Variants in HEATR5B observed in about 807,000 individuals in gnomAD.
HEATR5B encodes HEAT repeat containing 5B.
HEATR5B carries 156 observed loss-of-function variants against 224.1 expected under a neutral mutation model. That is an observed-to-expected ratio of 0.70 (90% CI 0.61 to 0.80). HEATR5B has a LOEUF of 0.80. Ranked by LOEUF, HEATR5B falls within the 30% of genes least tolerant of loss-of-function variation. The pLI is 0.00. For synonymous variants in HEATR5B, 1,027 were observed against 893.0 expected (o/e 1.15, Z -2.68); for missense variants, 2,323 against 2,535.5 (o/e 0.92, Z 1.80).
chr2:37,059,455 TA>T (rs1671132676), intron 12 of HEATR5B, among the ~76,000 whole-genome samples: 1 of 107,838 alleles, frequency 9.3e-6, no homozygotes, highest in African/African-American at 3.4e-5. Flanking sequence ...TGTATATATA[TA>T]TATATATATT....
intron 35 of HEATR5B, among the ~76,000 whole-genome samples, chr2:36,986,577 A>G (rs1572730087): frequency 6.6e-6 from 1 of 152,222 alleles, no homozygotes; most frequent in African/African-American, 2.4e-5. Flanking sequence ...AAACAGGTAC[A>G]GTTTGTAGGT....
chr2:37,002,747 T>C (rs1667175654), intron 31 of HEATR5B, among the ~76,000 whole-genome samples, 175 bp from the exon 32 acceptor site: 1 of 152,212 alleles, frequency 6.6e-6, no homozygotes, highest in Non-Finnish European at 1.5e-5. Flanking sequence ...GATCTGTCCT[T>C]AAAGGTAACA....
At chr2:37,015,817 T>G (rs1353642899) in intron 26 of HEATR5B, among the ~76,000 whole-genome samples, 2 of 152,170 alleles carry the variant, frequency 1.3e-5, no homozygotes, top group African/African-American at 2.4e-5. Flanking sequence ...TCAAGGGTAA[T>G]TACATAACCC....
rs755258874 is a variant in HEATR5B, at chr2:36,981,751, G to GT, written c.5954dup (p.Tyr1985Ter). The GT allele has an allele frequency of 6.2e-7, 1 of 1,613,776 alleles. No homozygotes were observed. The highest frequency in any genetic ancestry group is 8.5e-7 in the Non-Finnish European group (1 of 1,179,888). ...AGGCAAAAGAATTTTCATCCAGCAGGTAAGATATCAAAGTGGGAACTAAAA... is the reference window on the plus strand; with the variant it reads ...AGGCAAAAGAATTTTCATCCAGCAGGTTAAGATATCAAAGTGGGAACTAAAA... ...LALLVPTLISYLLDENSFASA... is the reference protein window; with the variant it reads ...LALLVPTLIS Residue 1985 changes from tyrosine to a stop codon, truncating the protein, a stop_gained and frameshift_variant, in exon 36 of 36, where the codon TAC becomes TAAC. Coordinates refer to ENST00000233099, the MANE Select transcript of HEATR5B (RefSeq NM_019024.3). LOFTEE classifies it high-confidence loss of function.
At chr2:37,024,080 A>C (rs921591631) in intron 24 of HEATR5B, among the ~76,000 whole-genome samples, 5 of 152,236 alleles carry the variant, frequency 3.3e-5, no homozygotes, top group African/African-American at 1.2e-4. Context: ...CATAGAAAAG[A>C]ATAAAGTCCT....
chr2:37,073,137 C>T (rs1672008802), intron 5 of HEATR5B, among the ~76,000 whole-genome samples: 1 of 152,170 alleles, frequency 6.6e-6, no homozygotes, highest in Admixed American at 6.5e-5. Flanking sequence ...CTGACAAAGA[C>T]ACTACGTGAA....
At chr2:37,003,062 C>T (rs976264155) in intron 31 of HEATR5B, among the ~76,000 whole-genome samples, 2 of 151,688 alleles carry the variant, frequency 1.3e-5, no homozygotes, top group Admixed American at 1.3e-4. Flanking sequence ...AGTTCGAGAC[C>T]AGCCTAACAT....
chr2:37,081,821 A>C (rs1672588611), intron 2 of HEATR5B, among the ~76,000 whole-genome samples: 1 of 152,118 alleles, frequency 6.6e-6, no homozygotes, highest in African/African-American at 2.4e-5. Flanking sequence ...CTTCTCCCAC[A>C]ACTCCAAGAA....
intron 35 of HEATR5B, among the ~76,000 whole-genome samples, chr2:36,986,279 A>G (rs1384132952): frequency 2.0e-5 from 3 of 152,220 alleles, no homozygotes; most frequent in Non-Finnish European, 4.4e-5. Context: ...AAATTTATCA[A>G]CTTCTCCAAA....
At chr2:36,995,241 C>T (rs1305414272) in intron 33 of HEATR5B, among the ~76,000 whole-genome samples, 1 of 151,880 alleles carries the variant, frequency 6.6e-6, no homozygotes, top group African/African-American at 2.4e-5. Context: ...AGGCACATGC[C>T]ACCACACCCC....
At chr2:37,062,496 G>C (rs1353086777) in intron 10 of HEATR5B, among the ~76,000 whole-genome samples, 1 of 152,128 alleles carries the variant, frequency 6.6e-6, no homozygotes, top group Non-Finnish European at 1.5e-5. Flanking sequence ...ATCAAGACCT[G>C]GTTAGTCTTG....
At chr2:37,068,989 G>A in intron 7 of HEATR5B, 59 bp from the exon 8 acceptor site, 2 of 1,517,132 alleles carry the variant, frequency 1.3e-6, no homozygotes, top group Non-Finnish European at 1.8e-6. Flanking sequence ...AGAAATCAAA[G>A]ATAAAGCAAC....
In HEATR5B at chr2:36,981,441, T is replaced by C. The variant is rs758436760; in HGVS notation, c.*49A>G. ...CCTGGAATGATACAGTGGCCATCAC[T>C]AATTAGGGGCTAGTTGACAACATAA... On this transcript the variant is annotated 3_prime_UTR_variant, in exon 36 of 36. Transcript: ENST00000233099. 1 of 1,437,878 alleles carries C rather than the reference T, an allele frequency of 7.0e-7. No homozygotes were observed. Among genetic ancestry groups the C allele is most frequent in the Non-Finnish European group, 9.5e-7 (1 of 1,052,378 alleles). The allele number at this position is 1,437,878 out of a possible 1,614,324, so 89.1% of individuals were successfully genotyped here. A position where few individuals can be genotyped will look rare whatever the true frequency, so the allele number is the denominator to read the frequency against.
At chr2:37,042,532 G>A (rs1048547744) in intron 18 of HEATR5B, among the ~76,000 whole-genome samples, 4 of 152,230 alleles carry the variant, frequency 2.6e-5, no homozygotes, top group Non-Finnish European at 4.4e-5. Flanking sequence ...GATGCTTTAC[G>A]AAAGTTTGTG....
At position 37,068,698 on chromosome 2, in the gene HEATR5B, T is replaced by G; in HGVS notation, c.1160A>C (p.Lys387Thr). The G allele has an allele frequency of 6.2e-7, 1 of 1,614,138 alleles. No individual in the cohort carries two copies. Among genetic ancestry groups the G allele is most frequent in the Non-Finnish European group, 8.5e-7 (1 of 1,180,008 alleles). ...ATTCTTACCTACGGCTTTCATTTGT[T>G]TTCCAATAGCTTGGCAGATTTCTTT... ...AAKEICQAIG[K>T]QMKAVEAVVN... Residue 387 changes from lysine to threonine, a missense_variant, in exon 8 of 36, where the codon AAA becomes ACA. By Grantham distance (78) the Lys-to-Thr change is moderately conservative (BLOSUM62 -1). This residue lies in a region of HEATR5B where 502 missense variants were observed against 517.8 expected (regional missense o/e 0.97). Coordinates refer to ENST00000233099, the MANE Select transcript of HEATR5B (RefSeq NM_019024.3).
At chr2:37,045,493 A>T (rs1670133502) in intron 18 of HEATR5B, among the ~76,000 whole-genome samples, 1 of 152,154 alleles carries the variant, frequency 6.6e-6, no homozygotes, top group South Asian at 2.1e-4. Flanking sequence ...TCACCTCAGG[A>T]GGTCTTTCTA....
chr2:37,070,488 G>C, intron 6 of HEATR5B, 101 bp from the exon 7 acceptor site: 1 of 846,998 alleles, frequency 1.2e-6, no homozygotes, highest in Non-Finnish European at 1.8e-6. Context: ...CTACAATGGG[G>C]AAATGGTTTA....
chr2:36,999,789 A>C (rs920241598), intron 33 of HEATR5B, among the ~76,000 whole-genome samples: 4 of 151,998 alleles, frequency 2.6e-5, no homozygotes, highest in African/African-American at 9.7e-5. Context: ...CAAGGCAGGC[A>C]GATCATGAGA....
rs758982168 is a variant in HEATR5B at position 36,990,637 on chromosome 2, G to A, written c.5697+11C>T. On this transcript the variant is annotated intron_variant, in intron 34 of 35. Transcript: ENST00000233099. Reference sequence around the variant, plus strand: ...ATGTTTTTATCTATGTCTGTGTAACGTGTAACTTACCCATGGGTCGCATGA... The same window carrying A: ...ATGTTTTTATCTATGTCTGTGTAACATGTAACTTACCCATGGGTCGCATGA... 5.2e-6 allele frequency: 8 copies of A among 1,546,006 alleles called. No individual in the cohort carries two copies. The highest frequency in any genetic ancestry group is 4.1e-5 in the African/African-American group (3 of 72,768).
Sources: allele counts gnomAD v4.1 joint callset (sites outside exome capture counted in the v4.1 genomes callset), GRCh38; gene constraint gnomAD v4.1.1; regional missense constraint gnomAD v4.1.1; transcripts MANE v1.5; gene names NCBI Gene and HGNC (gene_info 2026-07-23, HGNC 2026-07-21).